Variants in LINGO2 observed in about 807,000 individuals in gnomAD.
LINGO2 encodes the protein leucine rich repeat and Ig domain containing 2, also known as leucine-rich repeat and immunoglobulin-like domain-containing nogo receptor-interacting protein 2.
A neutral mutation model predicts 30.6 loss-of-function variants in LINGO2; 14 were observed. That is an observed-to-expected ratio of 0.46 (90% CI 0.30 to 0.72). The LOEUF is 0.72. Among genes scored for constraint, LINGO2 ranks in the 30% least tolerant of loss-of-function variants. The pLI is 0.07. For synonymous variants in LINGO2, 317 were observed against 288.5 expected, an observed-to-expected ratio of 1.10 and a Z score of -1.00; for missense variants, 729 against 751.7, an observed-to-expected ratio of 0.97 and a Z score of 0.35.
chr9:28,470,277 G>T (rs933453244), intron 2 of LINGO2, among the ~76,000 whole-genome samples: 3 of 152,112 alleles, frequency 2.0e-5, no homozygotes, highest in Admixed American at 6.6e-5. Context: ...ATAAAACAAA[G>T]AAAAACGTAT....
intron 1 of LINGO2, among the ~76,000 whole-genome samples, chr9:28,503,249 A>G (rs1819966666): frequency 6.6e-6 from 1 of 152,108 alleles, no homozygotes; most frequent in Non-Finnish European, 1.5e-5. Context: ...ACGAAAGTAT[A>G]TAAATACATT....
intron 2 of LINGO2, among the ~76,000 whole-genome samples, chr9:28,474,480 A>G (rs1825650084): frequency 6.6e-6 from 1 of 152,128 alleles, no homozygotes; most frequent in Non-Finnish European, 1.5e-5. Context: ...GATGTCTTAT[A>G]AATCAATGTA....
the LINGO2 span, among the ~76,000 whole-genome samples, chr9:28,963,909 T>C: frequency 6.6e-6 from 1 of 151,818 alleles, no homozygotes; most frequent in Non-Finnish European, 1.5e-5. Context: ...TATGTCAAAA[T>C]AGCTAGCATA....
chr9:28,532,982 G>C (rs1034965007), intron 1 of LINGO2, among the ~76,000 whole-genome samples: 24 of 152,072 alleles, frequency 1.6e-4, no homozygotes, highest in Admixed American at 9.8e-4. Context: ...TTAATACCGA[G>C]TGTCAACTTG....
chr9:28,345,279 T>C (rs1251113665), intron 3 of LINGO2, among the ~76,000 whole-genome samples: 2 of 152,174 alleles, frequency 1.3e-5, no homozygotes, highest in African/African-American at 4.8e-5. Context: ...TATATTTTTT[T>C]CAAGTGGTTA....
the LINGO2 span, among the ~76,000 whole-genome samples, chr9:29,083,182 C>T: frequency 2.6e-5 from 4 of 152,244 alleles, no homozygotes; most frequent in East Asian, 7.7e-4. Context: ...TGGAACCAAC[C>T]CAAATGTCCA....
chr9:28,973,400 C>T, the LINGO2 span, among the ~76,000 whole-genome samples: 1 of 152,128 alleles, frequency 6.6e-6, no homozygotes, highest in Non-Finnish European at 1.5e-5. Flanking sequence ...TGTGTCCCCA[C>T]CCAAATCTCA....
intron 1 of LINGO2, among the ~76,000 whole-genome samples, chr9:28,647,815 A>G (rs754635744): frequency 1.3e-4 from 20 of 151,490 alleles, no homozygotes; most frequent in Non-Finnish European, 2.4e-4. Context: ...TATATTCTCT[A>G]TTTAACTTTT....
chr9:28,717,334 C>T, the LINGO2 span, among the ~76,000 whole-genome samples: 1 of 139,684 alleles, frequency 7.2e-6, no homozygotes, highest in Non-Finnish European at 1.5e-5. Context: ...ATTAAAGAGA[C>T]CCTAATCTAA....
intron 1 of LINGO2, among the ~76,000 whole-genome samples, chr9:28,542,373 TC>T (rs1328409521): frequency 6.6e-6 from 1 of 151,904 alleles, no homozygotes; most frequent in Admixed American, 6.6e-5. Context: ...CATCTTCCTA[TC>T]TACCAGAGAG....
At chr9:28,580,853 G>T (rs1412279168) in intron 1 of LINGO2, among the ~76,000 whole-genome samples, 2 of 151,968 alleles carry the variant, frequency 1.3e-5, no homozygotes, top group African/African-American at 2.4e-5. Flanking sequence ...CCAAATACTG[G>T]TATTTTTCAC....
At chr9:29,164,052 G>A in the LINGO2 span, among the ~76,000 whole-genome samples, 1 of 151,438 alleles carries the variant, frequency 6.6e-6, no homozygotes, top group African/African-American at 2.4e-5. Flanking sequence ...CTACTGAAAG[G>A]AAACCACCAT....
chr9:28,084,626 C>G (rs1375398908), intron 4 of LINGO2, among the ~76,000 whole-genome samples: 2 of 152,128 alleles, frequency 1.3e-5, no homozygotes, highest in Non-Finnish European at 2.9e-5. Flanking sequence ...TTGTTCAAGA[C>G]TCCCAGTAGT....
At chr9:29,039,160 C>T in the LINGO2 span, among the ~76,000 whole-genome samples, 1 of 152,112 alleles carries the variant, frequency 6.6e-6, no homozygotes, top group African/African-American at 2.4e-5. Flanking sequence ...TGGGCTTGTG[C>T]AAGAAATCTG....
intron 5 of LINGO2, among the ~76,000 whole-genome samples, chr9:28,003,042 TAA>T (rs1247400650): frequency 1.3e-5 from 2 of 151,990 alleles, no homozygotes; most frequent in Non-Finnish European, 2.9e-5. Context: ...GAAAAATGAA[TAA>T]GTTAATGAAT....
the LINGO2 span, among the ~76,000 whole-genome samples, chr9:29,056,144 C>T: frequency 2.0e-5 from 3 of 152,018 alleles, no homozygotes; most frequent in Non-Finnish European, 4.4e-5. Flanking sequence ...AGTGGGATTG[C>T]TGGATCAAAT....
chr9:28,249,770 G>T (rs1822129802), intron 4 of LINGO2, among the ~76,000 whole-genome samples: 3 of 152,224 alleles, frequency 2.0e-5, no homozygotes, highest in South Asian at 4.1e-4. Flanking sequence ...CTTTTAGTCA[G>T]AAGTAAAAAT....
chr9:29,145,975 A>C, the LINGO2 span, among the ~76,000 whole-genome samples: 1 of 152,276 alleles, frequency 6.6e-6, no homozygotes, highest in South Asian at 2.1e-4. Flanking sequence ...TTTTATTGAA[A>C]CCATTACAAG....
chr9:28,519,642 G>A (rs1820756828), intron 1 of LINGO2, among the ~76,000 whole-genome samples: 1 of 152,146 alleles, frequency 6.6e-6, no homozygotes, highest in Non-Finnish European at 1.5e-5. Context: ...TCATAGAACT[G>A]CCAGATAAGA....
Sources: gnomAD v4.1 joint callset for allele counts (sites outside exome capture counted in the v4.1 genomes callset) on GRCh38, gnomAD v4.1.1 for gene constraint, MANE v1.5 for transcripts, NCBI Gene and HGNC (gene_info 2026-07-23, HGNC 2026-07-21) for gene names.